The following RSPO1 variants were observed in gnomAD, a reference collection of about 807,000 sequenced individuals.
The protein encoded by RSPO1 is R-spondin 1, also known as R-spondin-1.
In RSPO1, 18 loss-of-function variants were observed where a neutral mutation model predicts 26.0. That is an observed-to-expected ratio of 0.69 (90% CI 0.48 to 1.03). The LOEUF (loss-of-function observed/expected upper bound fraction) is 1.03, where lower values mean the gene tolerates loss of function less well. RSPO1 is among the 50% of genes least tolerant of loss of function. The pLI is 0.00. For missense variants in RSPO1, 309 were observed against 352.3 expected, an observed-to-expected ratio of 0.88 and a Z score of 0.98; for synonymous variants, 133 against 137.4, an observed-to-expected ratio of 0.97 and a Z score of 0.22.
chr1:37,628,641 C>T (rs1202589791), intron 3 of RSPO1, among the ~76,000 whole-genome samples: 2 of 152,190 alleles, frequency 1.3e-5, no homozygotes, highest in Non-Finnish European at 1.5e-5. Context: ...ACACAGTGGC[C>T]ACCCCTACAG....
rs778066733 is a variant in RSPO1 at position 37,616,539 on chromosome 1, C to A, written c.231G>T (p.Pro77=). The A allele has an allele frequency of 4.3e-6, 7 of 1,614,178 alleles. No individual in the cohort carries two copies. The highest frequency in any genetic ancestry group is 5.9e-6 in the Non-Finnish European group (7 of 1,180,030). The change falls in exon 4 of 7, where the codon CCG becomes CCT. Residue 77 remains proline (P), a synonymous_variant. Coordinates refer to ENST00000356545, the MANE Select transcript of RSPO1 (RefSeq NM_001242908.2). The stretch of plus-strand genomic sequence containing the variant: ...CGTCGAAGTATCCAGGTGGGCAGGA[C>A]GGCAAGCAGACGCCCACCTGGCGGA... ...NDIRQVGVCL[P]SCPPGYFDAR...
chr1:37,616,726 T>A, intron 3 of RSPO1, 51 bp from the exon 4 acceptor site: 1 of 1,495,742 alleles, frequency 6.7e-7, no homozygotes, highest in Non-Finnish European at 9.3e-7. Flanking sequence ...GAACCTCACC[T>A]ATCCAGATTC....
chr1:37,612,607 G>C lies in RSPO1; in HGVS notation c.*148C>G. The C allele has an allele frequency of 1.2e-6, 1 of 830,052 alleles. No individual in the cohort carries two copies. The highest frequency in any genetic ancestry group is 2.0e-6 in the Non-Finnish European group (1 of 494,202). The allele number at this position is 830,052 out of a possible 1,614,324, so 51.4% of individuals were successfully genotyped here. A position where few individuals can be genotyped will look rare whatever the true frequency, so the allele number is the denominator to read the frequency against. ...TGGTTGTATATGTGGACAGGGGTTT[G>C]AGCGTGTGTGTCTTGTGTCTATGTA... On this transcript the variant is annotated 3_prime_UTR_variant, in exon 7 of 7. Coordinates refer to ENST00000356545, the MANE Select transcript of RSPO1 (RefSeq NM_001242908.2).
At chr1:37,617,430 G>A (rs1372203358) in intron 3 of RSPO1, among the ~76,000 whole-genome samples, 1 of 152,004 alleles carries the variant, frequency 6.6e-6, no homozygotes, top group Non-Finnish European at 1.5e-5. Flanking sequence ...AGGCCAAGGC[G>A]GGCAGAACAC....
intron 3 of RSPO1, among the ~76,000 whole-genome samples, chr1:37,627,270 T>A (rs1644291396): frequency 6.6e-6 from 1 of 152,116 alleles, no homozygotes; most frequent in Non-Finnish European, 1.5e-5. Flanking sequence ...CACACACAGC[T>A]GTCTTGGTCT....
intron 3 of RSPO1, among the ~76,000 whole-genome samples, chr1:37,622,251 C>T (rs999284004): frequency 7.2e-5 from 11 of 152,118 alleles, no homozygotes; most frequent in African/African-American, 2.4e-4. Context: ...CTGGTGGTGG[C>T]GACCTGGTAA....
intron 2 of RSPO1, chr1:37,631,734 C>T (rs1644363898): frequency 6.6e-6 from 1 of 152,192 alleles, no homozygotes. Flanking sequence ...ACAGTGATGA[C>T]TCAATAATAT....
intron 1 of RSPO1, among the ~76,000 whole-genome samples, chr1:37,632,761 A>T (rs1644378199): frequency 6.6e-6 from 1 of 152,208 alleles, no homozygotes; most frequent in South Asian, 2.1e-4. Context: ...GTGGCTCCAC[A>T]TTCCTGCATC....
In RSPO1 at chr1:37,614,307, A is replaced by C; in HGVS notation, c.313T>G (p.Cys105Gly). Reference sequence around the variant, plus strand: ...TTGGTGCAGAAGTTATGGCTGAAGCAGGCCTCACAGTGCTCGATCTTGCAT... The same window carrying C: ...TTGGTGCAGAAGTTATGGCTGAAGCCGGCCTCACAGTGCTCGATCTTGCAT... The part of the protein sequence containing the change: ...IKCKIEHCEA[C>G]FSHNFCTKCK... Residue 105 changes from cysteine to glycine, a missense_variant, in exon 5 of 7, where the codon TGC (cysteine) becomes GGC (glycine). By Grantham distance (159) the Cys-to-Gly change is radical (BLOSUM62 -3). Coordinates refer to ENST00000356545, the MANE Select transcript of RSPO1 (RefSeq NM_001242908.2). 1 of 1,613,842 alleles carries C rather than the reference A, an allele frequency of 6.2e-7. No individual in the cohort carries two copies. Among genetic ancestry groups the C allele is most frequent in the Non-Finnish European group, 8.5e-7 (1 of 1,180,038 alleles).
At chr1:37,627,684 CAAAACA>C (rs1644298890) in intron 3 of RSPO1, among the ~76,000 whole-genome samples, 1 of 151,686 alleles carries the variant, frequency 6.6e-6, no homozygotes, top group Non-Finnish European at 1.5e-5. Flanking sequence ...CAAAACAAAA[CAAAACA>C]AAACTATATA....
At chr1:37,633,532 C>T (rs1314942354) in intron 1 of RSPO1, among the ~76,000 whole-genome samples, 1 of 152,218 alleles carries the variant, frequency 6.6e-6, no homozygotes, top group Non-Finnish European at 1.5e-5. Flanking sequence ...GGTACTCCAT[C>T]AGGGGCCCGA....
intron 3 of RSPO1, among the ~76,000 whole-genome samples, chr1:37,628,337 T>G (rs1644308622): frequency 6.6e-6 from 1 of 152,240 alleles, no homozygotes; most frequent in African/African-American, 2.4e-5. Flanking sequence ...TAACCGTCTC[T>G]AATTGTTTGT....
chr1:37,617,263 G>A (rs960418272), intron 3 of RSPO1, among the ~76,000 whole-genome samples: 1 of 152,176 alleles, frequency 6.6e-6, no homozygotes, highest in Non-Finnish European at 1.5e-5. Context: ...AGTGGGTAGA[G>A]CCCAGGGATG....
rs61748625 is a variant in RSPO1 at position 37,612,828 on chromosome 1, C to T, written c.719G>A (p.Arg240Gln). The T allele has an allele frequency of 9.6e-4, 1,554 of 1,613,716 alleles. 20 individuals are homozygous for T. The African/African-American group carries it at 0.018, about 19-fold the overall frequency. ...KESKEAGAGS[R>Q]RRKGQQQQQQ... ...CTGCTGTTGCTGCCCCTTGCGTCTTCGAGAGCCAGCACCCGCCTCCTTGCT... is the reference window on the plus strand; with the variant it reads ...CTGCTGTTGCTGCCCCTTGCGTCTTTGAGAGCCAGCACCCGCCTCCTTGCT... Residue 240 changes from arginine to glutamine, a missense_variant, in exon 7 of 7, where the codon CGA (arginine) becomes CAA (glutamine). Physicochemically the swap from Arg to Gln is conservative, Grantham distance 43. Coordinates refer to ENST00000356545, the MANE Select transcript of RSPO1 (RefSeq NM_001242908.2).
rs567425813 is a variant in RSPO1 at position 37,612,512 on chromosome 1, G to A, written c.*243C>T. 2.8e-4 allele frequency: 167 copies of A among 588,338 alleles called. 1 individual carries two copies. In the South Asian group the frequency reaches 3.0e-3, roughly 11 times the overall value. 36.4% of individuals were successfully genotyped at this position (588,338 alleles called of 1,614,324 possible). ...CTGGTGGCCTCAGGTGTGTGTGTGT[G>A]TGTGTGTGTATGTGTGTGTGTGGTG... is the stretch of plus-strand genomic sequence containing the variant. On this transcript the variant is annotated 3_prime_UTR_variant, in exon 7 of 7. Transcript: ENST00000356545.
chr1:37,617,076 G>A (rs1333552914), intron 3 of RSPO1, among the ~76,000 whole-genome samples: 1 of 152,162 alleles, frequency 6.6e-6, no homozygotes, highest in Non-Finnish European at 1.5e-5. Context: ...GGGCAAGAGG[G>A]ATAAATAGTG....
intron 3 of RSPO1, among the ~76,000 whole-genome samples, chr1:37,626,810 G>C (rs1376578457): frequency 6.6e-6 from 1 of 152,050 alleles, no homozygotes; most frequent in Non-Finnish European, 1.5e-5. Flanking sequence ...GAGGAGAAGG[G>C]GCTCAGGAAG....
intron 3 of RSPO1, 56 bp downstream of exon 3, chr1:37,629,512 G>A: frequency 6.9e-7 from 1 of 1,454,840 alleles, no homozygotes. Flanking sequence ...CTAGTTCCTG[G>A]GTGGCCCCCT....
chr1:37,616,816 G>C (rs1644121234), intron 3 of RSPO1, 141 bp from the exon 4 acceptor site: 2 of 801,260 alleles, frequency 2.5e-6, no homozygotes, highest in African/African-American at 3.4e-5. Context: ...GGCCAGGCTG[G>C]CAGCTCTCTG....
Sources: gnomAD v4.1 joint callset for allele counts (sites outside exome capture counted in the v4.1 genomes callset) on GRCh38, gnomAD v4.1.1 for gene constraint, MANE v1.5 for transcripts, NCBI Gene and HGNC (gene_info 2026-07-23, HGNC 2026-07-21) for gene names.